Variants in NAV2 observed in about 807,000 individuals in gnomAD.
The protein encoded by NAV2 is neuron navigator 2.
A neutral mutation model predicts 223.2 loss-of-function variants in NAV2; 54 were observed. That is an observed-to-expected ratio of 0.24 (90% CI 0.19 to 0.30). The LOEUF is 0.30. NAV2 is among the 10% of genes least tolerant of loss of function. The pLI is 1.00. For missense variants in NAV2, 2,806 were observed against 3,147.5 expected (o/e 0.89, Z 2.60); for synonymous variants, 1,279 against 1,239.3 (o/e 1.03, Z -0.67).
chr11:19,347,452 A>T (rs949972906), upstream of NAV2, among the ~76,000 whole-genome samples: 12 of 152,152 alleles, frequency 7.9e-5, no homozygotes, highest in African/African-American at 2.9e-4. Flanking sequence ...GCCCAGAGGA[A>T]GAAGGATTTG....
intron 1 of NAV2, among the ~76,000 whole-genome samples, chr11:19,652,757 G>A (rs1269707042): frequency 6.6e-6 from 1 of 152,192 alleles, no homozygotes; most frequent in Non-Finnish European, 1.5e-5. Flanking sequence ...GTCCACAAAT[G>A]ACTACCAAGC....
At chr11:20,030,551 A>C (rs1691020897) in intron 11 of NAV2, among the ~76,000 whole-genome samples, 1 of 152,246 alleles carries the variant, frequency 6.6e-6, no homozygotes, top group South Asian at 2.1e-4. Flanking sequence ...CTACAAAATT[A>C]GTGCTGTTTG....
chr11:19,411,330 T>G (rs1239593037), intron 1 of NAV2, among the ~76,000 whole-genome samples: 3 of 152,166 alleles, frequency 2.0e-5, no homozygotes, highest in Non-Finnish European at 4.4e-5. Context: ...ATCTTCTAAG[T>G]ACACAGACTA....
chr11:19,975,142 A>G (rs975939567), intron 10 of NAV2, among the ~76,000 whole-genome samples: 18 of 152,226 alleles, frequency 1.2e-4, no homozygotes, highest in African/African-American at 4.3e-4. Flanking sequence ...CTTCCTGCTA[A>G]TGCTAGAAAT....
At chr11:20,065,698 G>A (rs748899613) in intron 20 of NAV2, among the ~76,000 whole-genome samples, 24 of 152,244 alleles carry the variant, frequency 1.6e-4, no homozygotes, top group Non-Finnish European at 3.1e-4. Flanking sequence ...GGTGGGCACA[G>A]TGACAGACAG....
chr11:20,094,223 C>CTTTTTTTTTT (rs61099684), intron 29 of NAV2, among the ~76,000 whole-genome samples: 16 of 88,516 alleles, frequency 1.8e-4, no homozygotes, highest in Non-Finnish European at 2.2e-4. Context: ...TTTTCTTTAT[C>CTTTTTTTTTT]TTTTTTTTTT....
At position 19,946,486 on chromosome 11, in the gene NAV2, A is replaced by G. The variant is rs761923822; in HGVS notation, c.2232A>G (p.Leu744=). 2.6e-5 allele frequency: 42 copies of G among 1,613,528 alleles called. No individual in the cohort carries two copies. The highest frequency in any genetic ancestry group is 1.6e-4 in the Middle Eastern group (1 of 6,080). The change falls in exon 9 of 38, where the codon TTA becomes TTG. Residue 744 remains leucine, a synonymous_variant. Coordinates refer to ENST00000349880, the MANE Select transcript of NAV2 (RefSeq NM_145117.5). ...RQNLEETMSS[L]RGTQVTHSTL... ...ATTTGGAGGAAACCATGTCCAGTTT[A>G]AGGGGAACTCAGGTTACACACAGGT...
chr11:20,115,332 A>C (rs755403281), intron 37 of NAV2, among the ~76,000 whole-genome samples: 6 of 152,112 alleles, frequency 3.9e-5, no homozygotes, highest in African/African-American at 1.4e-4. Context: ...TGCTAAAACA[A>C]TAAAGGCCCT....
At chr11:19,854,966 T>C (rs2061339014) in intron 3 of NAV2, among the ~76,000 whole-genome samples, 1 of 152,168 alleles carries the variant, frequency 6.6e-6, no homozygotes, top group Non-Finnish European at 1.5e-5. Flanking sequence ...ACTTGCTGTT[T>C]GGTTGTTAAT....
chr11:20,091,358 C>T (rs1328391212), intron 27 of NAV2, among the ~76,000 whole-genome samples: 1 of 152,190 alleles, frequency 6.6e-6, no homozygotes, highest in African/African-American at 2.4e-5. Flanking sequence ...CCAGAATCTA[C>T]TCGCCAGCCA....
At chr11:19,940,207 T>C (rs142122246) in intron 8 of NAV2, among the ~76,000 whole-genome samples, 181 of 152,030 alleles carry the variant, frequency 1.2e-3, no homozygotes, top group African/African-American at 4.2e-3. Context: ...TAGAGTCCTA[T>C]GTGAATTGGG....
intron 1 of NAV2, among the ~76,000 whole-genome samples, chr11:19,424,253 G>A (rs889103352): frequency 3.3e-5 from 5 of 152,162 alleles, no homozygotes; most frequent in Non-Finnish European, 7.3e-5. Flanking sequence ...GGAGCCATGG[G>A]TATTGTTTTC....
chr11:19,797,074 G>A (rs2057953452), intron 1 of NAV2, among the ~76,000 whole-genome samples: 1 of 152,126 alleles, frequency 6.6e-6, no homozygotes, highest in African/African-American at 2.4e-5. Flanking sequence ...CCCCCCACAC[G>A]GGTTTGAGAG....
At chr11:19,520,631 C>T (rs1323749014) in intron 1 of NAV2, among the ~76,000 whole-genome samples, 3 of 146,260 alleles carry the variant, frequency 2.1e-5, no homozygotes, top group Non-Finnish European at 4.4e-5. Flanking sequence ...GCCCCCTCCC[C>T]TATTTTACCC....
At chr11:19,829,990 G>A (rs765324024) in intron 1 of NAV2, among the ~76,000 whole-genome samples, 1 of 152,162 alleles carries the variant, frequency 6.6e-6, no homozygotes, top group Non-Finnish European at 1.5e-5. Context: ...ACTTTGGGAG[G>A]CTGAGGTGGG....
upstream of NAV2, among the ~76,000 whole-genome samples, chr11:19,349,977 C>T (rs1853213612): frequency 6.6e-6 from 1 of 152,094 alleles, no homozygotes; most frequent in Non-Finnish European, 1.5e-5. Context: ...TGGTGTCTCG[C>T]CTGCCATACA....
chr11:19,554,968 AT>A (rs1354325883), intron 1 of NAV2, among the ~76,000 whole-genome samples: 1 of 147,732 alleles, frequency 6.8e-6, no homozygotes, highest in African/African-American at 2.6e-5. Context: ...AGATAAATAA[AT>A]TTTTTAAAAA....
chr11:19,599,114 CTGGCCAGCGT>C, intron 1 of NAV2, among the ~76,000 whole-genome samples: 1 of 152,238 alleles, frequency 6.6e-6, no homozygotes, highest in East Asian at 1.9e-4. Context: ...TGCCATCATG[CTGGCCAGCGT>C]TGGTCCTTTT....
intron 1 of NAV2, among the ~76,000 whole-genome samples, chr11:19,351,807 A>T (rs1402357355): frequency 0.013 from 16 of 1,210 alleles, no homozygotes; most frequent in African/African-American, 0.019. Context: ...TATGGTAAAA[A>T]AAAAAAAAAA....
Sources: allele counts gnomAD v4.1 joint callset (sites outside exome capture counted in the v4.1 genomes callset), GRCh38; gene constraint gnomAD v4.1.1; transcripts MANE v1.5; gene names NCBI Gene and HGNC (gene_info 2026-07-23, HGNC 2026-07-21).